The following ADAT2 variants were observed in gnomAD, a reference collection of about 807,000 sequenced individuals.
ADAT2 encodes the protein adenosine deaminase tRNA specific 2.
A neutral mutation model predicts 25.9 loss-of-function variants in ADAT2; 26 were observed. The ratio of observed to expected loss-of-function variants is 1.00; its 90% CI spans 0.74 to 1.39. The LOEUF is 1.39. Among genes scored for constraint, ADAT2 ranks in the 40% most tolerant of loss-of-function variants. The pLI, the probability that ADAT2 is intolerant of heterozygous loss-of-function variation, is 0.00. For synonymous variants in ADAT2, 76 were observed against 86.8 expected, an observed-to-expected ratio of 0.88 and a Z score of 0.69; for missense variants, 220 against 244.8, an observed-to-expected ratio of 0.90 and a Z score of 0.68.
rs1779199218 is a variant in ADAT2 at position 143,434,185 on chromosome 6, A to T, written c.202-204T>A. The stretch of plus-strand genomic sequence containing the variant: ...TCACTTGCGAAAGATATCTAATCAG[A>T]GATGCCACAGGAATCATGCTGTATT... On this transcript the variant is annotated intron_variant, in intron 2 of 5. Transcript: ENST00000237283. The surrounding 1 kb of genome is among the most constrained non-coding windows in gnomAD (Gnocchi z 4.5). 6.6e-6 allele frequency among the ~76,000 whole-genome samples: 1 copy of T among 152,216 alleles called. No individual in the cohort carries two copies. Among genetic ancestry groups the T allele is most frequent in the Non-Finnish European group, 1.5e-5 (1 of 68,038 alleles).
At position 143,432,634 on chromosome 6, in the gene ADAT2, C is replaced by A; in HGVS notation, c.353-23G>T. ...TTTATAAGACAGAATTAAGGTCCTGCATAGAATGTACATTTCAAGTATGTA... is the reference window on the plus strand; with the variant it reads ...TTTATAAGACAGAATTAAGGTCCTGAATAGAATGTACATTTCAAGTATGTA... On this transcript the variant is annotated intron_variant, in intron 3 of 5. Coordinates refer to ENST00000237283, the MANE Select transcript of ADAT2 (RefSeq NM_182503.3). The surrounding 1 kb of genome is among the most constrained non-coding windows in gnomAD (Gnocchi z 4.4). 1 of 1,606,340 alleles carries A rather than the reference C, an allele frequency of 6.2e-7. No homozygotes were observed. The highest frequency in any genetic ancestry group is 8.5e-7 in the Non-Finnish European group (1 of 1,173,066).
Position 143,442,986 on chromosome 6 carries a change from G to A in ADAT2, c.97-4292C>T, listed in dbSNP as rs377525210. On this transcript the variant is annotated intron_variant, in intron 1 of 5. Transcript: ENST00000237283. This position sits in a 1 kb window ranked among gnomAD's most constrained non-coding sequence, Gnocchi z 4.6. ...AGAGGTAATGTTTTGTCTGCATCTC[G>A]AGTATTCTGGTTCTGAGAGCTTGAA... 3.4e-4 allele frequency among the ~76,000 whole-genome samples: 52 copies of A among 152,236 alleles called. 1 individual carries two copies. Among genetic ancestry groups the A allele is most frequent in the East Asian group, 1.7e-3 (9 of 5,190 alleles).
rs1733665390 is a variant in ADAT2, at chr6:143,426,273, TGAATG to T, written c.*2185_*2189del. The T allele has an allele frequency of 2.0e-5, 3 of 152,258 alleles. No homozygotes were observed. Among genetic ancestry groups the T allele is most frequent in the Admixed American group, 1.3e-4 (2 of 15,286 alleles). The allele number at this position is 152,258 out of a possible 1,614,324, so 9.4% of individuals were successfully genotyped here. ...CTGGGGAATGTGGTACTCAGGAAGC[TGAATG>T]ACCTCAACATATATCCATAATTCCT... is the stretch of plus-strand genomic sequence containing the variant. On this transcript the variant is annotated 3_prime_UTR_variant, in exon 6 of 6. Coordinates refer to ENST00000237283, the MANE Select transcript of ADAT2 (RefSeq NM_182503.3). The surrounding 1 kb of genome is among the most constrained non-coding windows in gnomAD (Gnocchi z 4.1).
rs1380446994 is a variant in ADAT2 at position 143,432,650 on chromosome 6, C to T, written c.353-39G>A. 2 of 1,592,870 alleles carry T rather than the reference C, an allele frequency of 1.3e-6. No homozygotes were observed. Among genetic ancestry groups the T allele is most frequent in the South Asian group, 1.1e-5 (1 of 90,596 alleles). On this transcript the variant is annotated intron_variant, in intron 3 of 5. Transcript: ENST00000237283. The surrounding 1 kb of genome is among the most constrained non-coding windows in gnomAD (Gnocchi z 4.4). ...AAGGTCCTGCATAGAATGTACATTT[C>T]AAGTATGTATCGTGACAAAATCAGA...
rs1166069891 is a variant in ADAT2 at position 143,436,433 on chromosome 6, G to A, written c.201+2157C>T. The A allele has an allele frequency of 3.6e-6, 1 of 278,296 alleles. No individual in the cohort carries two copies. Among genetic ancestry groups the A allele is most frequent in the Non-Finnish European group, 7.3e-6 (1 of 136,864 alleles). The allele number at this position is 278,296 out of a possible 1,614,324, so 17.2% of individuals were successfully genotyped here. On this transcript the variant is annotated intron_variant, in intron 2 of 5. Transcript: ENST00000237283. This position sits in a 1 kb window ranked among gnomAD's most constrained non-coding sequence, Gnocchi z 4.1. ...CCCTACAATGGGAAAACAGCTTTCT[G>A]GGACATCCCATCCGCAGGACTAAAA...
At chr6:143,431,507 T>C (rs1779115541) in intron 4 of ADAT2, among the ~76,000 whole-genome samples, 2 of 152,250 alleles carry the variant, frequency 1.3e-5, no homozygotes, top group African/African-American at 4.8e-5. Flanking sequence ...TCTTTAATGA[T>C]CAAACCAATT....
chr6:143,447,107 G>T (rs1265607507), intron 1 of ADAT2, among the ~76,000 whole-genome samples: 1 of 152,208 alleles, frequency 6.6e-6, no homozygotes, highest in Non-Finnish European at 1.5e-5. Flanking sequence ...CTATCCAACA[G>T]ATCCTTTTGT....
Position 143,436,604 on chromosome 6 carries a change from C to A in ADAT2, c.201+1986G>T. 2.5e-6 allele frequency: 1 copy of A among 406,866 alleles called. No homozygotes were observed. The highest frequency in any genetic ancestry group is 5.0e-6 in the Non-Finnish European group (1 of 200,568). The allele number at this position is 406,866 out of a possible 1,614,324, so 25.2% of individuals were successfully genotyped here. Reference sequence around the variant, plus strand: ...AAGAATGAGATGGAATTCACTGGGGCCGAGAGCAACATGAATGACCTGGTA... The same window carrying A: ...AAGAATGAGATGGAATTCACTGGGGACGAGAGCAACATGAATGACCTGGTA... On this transcript the variant is annotated intron_variant, in intron 2 of 5. Coordinates refer to ENST00000237283, the MANE Select transcript of ADAT2 (RefSeq NM_182503.3). This position sits in a 1 kb window ranked among gnomAD's most constrained non-coding sequence, Gnocchi z 4.1.
intron 3 of ADAT2, among the ~76,000 whole-genome samples, chr6:143,433,205 A>C (rs991852996): frequency 6.6e-6 from 1 of 152,192 alleles, no homozygotes; most frequent in Non-Finnish European, 1.5e-5. Context: ...AAAAATAAGG[A>C]ACTAAAAAGC....
intron 1 of ADAT2, among the ~76,000 whole-genome samples, chr6:143,441,047 C>T (rs1779442930): frequency 6.6e-6 from 1 of 152,150 alleles, no homozygotes. Context: ...AATGTCACTT[C>T]AGTACCTGGA....
At chr6:143,438,126 CTTT>C (rs1290675228) in intron 2 of ADAT2, among the ~76,000 whole-genome samples, 1 of 152,000 alleles carries the variant, frequency 6.6e-6, no homozygotes, top group East Asian at 1.9e-4. Flanking sequence ...ATTGAGGATA[CTTT>C]TTTAACTTAC....
rs540799334 is a variant in ADAT2 at position 143,440,116 on chromosome 6, A to C, written c.97-1422T>G. Among the ~76,000 whole-genome samples the C allele has an allele frequency of 6.6e-6, 1 of 152,304 alleles. No homozygotes were observed. The highest frequency in any genetic ancestry group is 1.9e-4 in the East Asian group (1 of 5,178). On this transcript the variant is annotated intron_variant, in intron 1 of 5. Transcript: ENST00000237283. This position sits in a 1 kb window ranked among gnomAD's most constrained non-coding sequence, Gnocchi z 4.5. ...AAGAGTACAACCCTTGGACTAGTGT[A>C]CATTCATTCCCATCTCAATGCAGTC...
rs1779734001 is a variant in ADAT2 at position 143,450,595 on chromosome 6, T to C, written c.64A>G (p.Thr22Ala). 1 of 1,613,952 alleles carries C rather than the reference T, an allele frequency of 6.2e-7. No homozygotes were observed. Among genetic ancestry groups the C allele is most frequent in the Non-Finnish European group, 8.5e-7 (1 of 1,179,998 alleles). Residue 22 changes from threonine (T) to alanine (A), a missense_variant, in exon 1 of 6, where the codon ACC (threonine) becomes GCC (alanine). Coordinates refer to ENST00000237283, the MANE Select transcript of ADAT2 (RefSeq NM_182503.3). ...ATCGCCTCCTCCATCCACTTTTCGG[T>C]CTCCTCTGCCGACACCGAGCACGCG... The part of the protein sequence containing the change: ...SGACSVSAEE[T>A]EKWMEEAMHM...
At position 143,445,016 on chromosome 6, in the gene ADAT2, C is replaced by G. The variant is rs193251179; in HGVS notation, c.96+5547G>C. ...GGGAACAAACAAGTTAGCCAGAACT[C>G]TCAGGTAGAACATCATCCTGTCCAA... On this transcript the variant is annotated intron_variant, in intron 1 of 5. Coordinates refer to ENST00000237283, the MANE Select transcript of ADAT2 (RefSeq NM_182503.3). The G allele has an allele frequency of 3.7e-4, 447 of 1,223,306 alleles. No homozygotes were observed. The African/African-American group carries it at 6.2e-3, about 17-fold the overall frequency. The allele number at this position is 1,223,306 out of a possible 1,614,324, so 75.8% of individuals were successfully genotyped here.
chr6:143,450,552 G>A lies in ADAT2; in HGVS notation c.96+11C>T, dbSNP rs768404507. 15 of 1,613,738 alleles carry A rather than the reference G, an allele frequency of 9.3e-6. No homozygotes were observed. Among genetic ancestry groups the A allele is most frequent in the African/African-American group, 1.3e-5 (1 of 74,894 alleles). On this transcript the variant is annotated intron_variant, in intron 1 of 5. Coordinates refer to ENST00000237283, the MANE Select transcript of ADAT2 (RefSeq NM_182503.3). ...TCCCACCCCGCAGCATCTACCTCCC[G>A]GGCTCCTCACCATGTGCATCGCCTC...
In ADAT2 at chr6:143,446,435, A is replaced by G. The variant is rs1189089224; in HGVS notation, c.96+4128T>C. ...ATAAACAAGTAAAGAACTTCTCTAT[A>G]TAAATATTTATATTGCTTCTTTGTG... On this transcript the variant is annotated intron_variant, in intron 1 of 5. Transcript: ENST00000237283. The surrounding 1 kb of genome is among the most constrained non-coding windows in gnomAD (Gnocchi z 5.0). 1.3e-5 allele frequency among the ~76,000 whole-genome samples: 2 copies of G among 152,172 alleles called. No homozygotes were observed. Among genetic ancestry groups the G allele is most frequent in the East Asian group, 1.9e-4 (1 of 5,198 alleles).
rs563758137 is a variant in ADAT2, at chr6:143,423,244, A to G, written c.*5219T>C. On this transcript the variant is annotated 3_prime_UTR_variant, in exon 6 of 6. Transcript: ENST00000237283. Reference sequence around the variant, plus strand: ...CATTGTAGCACACGAGCAGCCACAGACAACACAGAAACAAATGGGCATGGC... The same window carrying G: ...CATTGTAGCACACGAGCAGCCACAGGCAACACAGAAACAAATGGGCATGGC... 2.0e-5 allele frequency: 3 copies of G among 152,388 alleles called. No homozygotes were observed. In the East Asian group the frequency reaches 5.8e-4, roughly 29 times the overall value. The allele number at this position is 152,388 out of a possible 1,614,324, so 9.4% of individuals were successfully genotyped here. A position where few individuals can be genotyped will look rare whatever the true frequency, so the allele number is the denominator to read the frequency against.
chr6:143,444,920 A>T lies in ADAT2; in HGVS notation c.96+5643T>A, dbSNP rs772757622. On this transcript the variant is annotated intron_variant, in intron 1 of 5. Transcript: ENST00000237283. This position sits in a 1 kb window ranked among gnomAD's most constrained non-coding sequence, Gnocchi z 4.3. ...GTCATGATAAAAGGGGGAGAGATGG[A>T]AACAGACCTTGTTTGCACACAGTTT... The T allele has an allele frequency of 1.5e-6, 2 of 1,302,418 alleles. No homozygotes were observed. The highest frequency in any genetic ancestry group is 1.5e-5 in the African/African-American group (1 of 65,810). 80.7% of individuals were successfully genotyped at this position (1,302,418 alleles called of 1,614,324 possible).
chr6:143,427,743 T>C lies in ADAT2; in HGVS notation c.*720A>G, dbSNP rs1349421334. ...TGCTAGAATATAAGCTCCATGAGGG[T>C]GGGATAATTTGGTTTTTTGCTCAAT... On this transcript the variant is annotated 3_prime_UTR_variant, in exon 6 of 6. Coordinates refer to ENST00000237283, the MANE Select transcript of ADAT2 (RefSeq NM_182503.3). 6.6e-6 allele frequency: 1 copy of C among 152,164 alleles called. No homozygotes were observed. The highest frequency in any genetic ancestry group is 1.9e-4 in the East Asian group (1 of 5,194). 9.4% of individuals were successfully genotyped at this position (152,164 alleles called of 1,614,324 possible).
Sources: gnomAD v4.1 joint callset for allele counts (sites outside exome capture counted in the v4.1 genomes callset) on GRCh38, gnomAD v4.1.1 for gene constraint, Gnocchi (gnomAD v3.1) non-coding constraint, MANE v1.5 for transcripts, NCBI Gene and HGNC (gene_info 2026-07-23, HGNC 2026-07-21) for gene names.